WDFY4: variants seen among roughly 807,000 people sequenced by gnomAD.
WDFY4 encodes the protein WD repeat- and FYVE domain-containing protein 4.
WDFY4 carries 169 observed loss-of-function variants against 351.9 expected under a neutral mutation model. That is an observed-to-expected ratio of 0.48 (90% CI 0.42 to 0.55). The LOEUF is 0.55. Among genes scored for constraint, WDFY4 ranks in the 20% least tolerant of loss-of-function variants. The pLI, the probability that WDFY4 is intolerant of heterozygous loss-of-function variation, is 0.00. For synonymous variants in WDFY4, 1,622 were observed against 1,574.6 expected (o/e 1.03, Z -0.71); for missense variants, 3,803 against 3,935.6 (o/e 0.97, Z 0.90).
intron 1 of WDFY4, among the ~76,000 whole-genome samples, chr10:48,708,943 C>T (rs953430936): frequency 3.3e-5 from 5 of 151,942 alleles, no homozygotes; most frequent in African/African-American, 1.2e-4. Flanking sequence ...ATTTACATCT[C>T]TTTTATGTAT....
At chr10:48,931,814 C>T (rs1205406131) in intron 47 of WDFY4, among the ~76,000 whole-genome samples, 1 of 152,202 alleles carries the variant, frequency 6.6e-6, no homozygotes, top group Non-Finnish European at 1.5e-5. Context: ...GACACTGCCT[C>T]CAATAAGAGA....
chr10:48,811,895 C>T (rs1253295389), intron 30 of WDFY4, among the ~76,000 whole-genome samples, 187 bp downstream of exon 30: 1 of 152,188 alleles, frequency 6.6e-6, no homozygotes, highest in Non-Finnish European at 1.5e-5. Flanking sequence ...CCTTCCAGGC[C>T]CTTGACTTCC....
intron 2 of WDFY4, among the ~76,000 whole-genome samples, chr10:48,718,578 C>T (rs537909322): frequency 2.6e-5 from 4 of 152,294 alleles, no homozygotes; most frequent in Non-Finnish European, 5.9e-5. Flanking sequence ...GCCACGGATG[C>T]CCGGAATGTG....
chr10:48,941,010 C>G (rs1399427510), intron 47 of WDFY4, among the ~76,000 whole-genome samples: 1 of 152,172 alleles, frequency 6.6e-6, no homozygotes, highest in Non-Finnish European at 1.5e-5. Context: ...AATACTCATA[C>G]TTTTTAACCC....
intron 35 of WDFY4, among the ~76,000 whole-genome samples, chr10:48,825,042 C>T (rs1328606962): frequency 6.6e-6 from 1 of 152,122 alleles, no homozygotes; most frequent in East Asian, 1.9e-4. Flanking sequence ...GTTTGCTGCA[C>T]CTATCAATGC....
chr10:48,890,171 G>C (rs564345335), intron 43 of WDFY4, among the ~76,000 whole-genome samples: 1 of 152,198 alleles, frequency 6.6e-6, no homozygotes, highest in Non-Finnish European at 1.5e-5. Context: ...ACCATGTACT[G>C]GCTGGTCCCT....
At chr10:48,933,724 G>A (rs1294441269) in intron 47 of WDFY4, among the ~76,000 whole-genome samples, 1 of 152,174 alleles carries the variant, frequency 6.6e-6, no homozygotes, top group African/African-American at 2.4e-5. Context: ...AATTGCATTG[G>A]CAATGGGCTG....
At chr10:48,740,366 A>G (rs2064814338) in intron 11 of WDFY4, among the ~76,000 whole-genome samples, 1 of 152,214 alleles carries the variant, frequency 6.6e-6, no homozygotes. Context: ...TCAACCATAA[A>G]AATAACATTT....
At position 48,740,093 on chromosome 10, in the gene WDFY4, C is replaced by A. The variant is rs553037502; in HGVS notation, c.1879-2875C>A. 2.6e-5 allele frequency among the ~76,000 whole-genome samples: 4 copies of A among 152,268 alleles called. No homozygotes were observed. The East Asian group carries it at 7.7e-4, about 29-fold the overall frequency. ...TGACTAACAGAAGCGCTTATTCATT[C>A]CATTTGCCTTAAACAAAGCTCCTAG... On this transcript the variant is annotated intron_variant, in intron 11 of 61. Coordinates refer to ENST00000325239, the MANE Select transcript of WDFY4 (RefSeq NM_001394531.1).
At chr10:48,907,459 A>G (rs929084018) in intron 47 of WDFY4, among the ~76,000 whole-genome samples, 2 of 152,186 alleles carry the variant, frequency 1.3e-5, no homozygotes, top group South Asian at 2.1e-4. Flanking sequence ...TTCATATATA[A>G]TGTTTAGAAT....
At chr10:48,863,826 G>A (rs748957206) in intron 39 of WDFY4, among the ~76,000 whole-genome samples, 1 of 152,144 alleles carries the variant, frequency 6.6e-6, no homozygotes, top group Non-Finnish European at 1.5e-5. Context: ...GGAGGCCTCA[G>A]GAAACTTACA....
intron 1 of WDFY4, among the ~76,000 whole-genome samples, chr10:48,690,572 G>C (rs1000740795): frequency 6.6e-6 from 1 of 152,176 alleles, no homozygotes; most frequent in Admixed American, 6.5e-5. Context: ...CTATAGGCAG[G>C]TTGTCCTGAT....
chr10:48,959,608 C>T, intron 52 of WDFY4, 114 bp from the exon 53 acceptor site: 1 of 926,722 alleles, frequency 1.1e-6, no homozygotes, highest in Non-Finnish European at 1.7e-6. Flanking sequence ...GAGAACATAA[C>T]TCACGTTCAG....
chr10:48,965,264 A>ACT (rs1412325906), intron 54 of WDFY4, among the ~76,000 whole-genome samples: 1 of 152,062 alleles, frequency 6.6e-6, no homozygotes, highest in African/African-American at 2.4e-5. Context: ...TCAGATTCTG[A>ACT]CTACTCAACA....
chr10:48,903,747 C>T (rs1368379318), intron 47 of WDFY4, among the ~76,000 whole-genome samples: 1 of 149,622 alleles, frequency 6.7e-6, no homozygotes, highest in Non-Finnish European at 1.5e-5. Context: ...TCAAAGACAT[C>T]ATGGAGCTAT....
intron 10 of WDFY4, among the ~76,000 whole-genome samples, chr10:48,735,230 G>A (rs2064616118): frequency 6.6e-6 from 1 of 151,994 alleles, no homozygotes; most frequent in African/African-American, 2.4e-5. Flanking sequence ...TATTCCACAT[G>A]GATTACTCCA....
intron 45 of WDFY4, among the ~76,000 whole-genome samples, chr10:48,898,079 C>T (rs1156661775): frequency 2.6e-5 from 4 of 152,132 alleles, no homozygotes; most frequent in Non-Finnish European, 4.4e-5. Context: ...AGGGATCTCC[C>T]AGCTGCCCCC....
At chr10:48,806,971 T>G (rs1284753867) in intron 27 of WDFY4, among the ~76,000 whole-genome samples, 4 of 152,228 alleles carry the variant, frequency 2.6e-5, no homozygotes, top group African/African-American at 9.6e-5. Context: ...GGATAGCATT[T>G]TTTAATCTAG....
chr10:48,874,098 A>C (rs897907564), intron 41 of WDFY4, among the ~76,000 whole-genome samples: 3 of 152,208 alleles, frequency 2.0e-5, no homozygotes, highest in African/African-American at 7.2e-5. Context: ...GTTGTAACCC[A>C]TACTGCTATA....
Sources: allele counts gnomAD v4.1 joint callset (sites outside exome capture counted in the v4.1 genomes callset), GRCh38; gene constraint gnomAD v4.1.1; transcripts MANE v1.5; gene names NCBI Gene and HGNC (gene_info 2026-07-23, HGNC 2026-07-21).